The following SLC4A7 variants were observed in gnomAD, a reference collection of about 807,000 sequenced individuals.
SLC4A7 encodes the protein sodium bicarbonate cotransporter 3.
In SLC4A7, 51 loss-of-function variants were observed where a neutral mutation model predicts 137.6. The ratio of observed to expected loss-of-function variants is 0.37; its 90% CI spans 0.30 to 0.47. SLC4A7 has a LOEUF of 0.47. SLC4A7 is among the 20% of genes least tolerant of loss of function. The pLI, the probability that SLC4A7 is intolerant of heterozygous loss-of-function variation, is 1.00. For synonymous variants in SLC4A7, 542 were observed against 518.6 expected (o/e 1.05, Z -0.61); for missense variants, 1,247 against 1,525.4 (o/e 0.82, Z 3.04).
At chr3:27,398,418 G>T in intron 16 of SLC4A7, 65 bp from the exon 17 acceptor site, 1 of 1,381,286 alleles carries the variant, frequency 7.2e-7, no homozygotes, top group Non-Finnish European at 9.9e-7. Context: ...ATTATTATGA[G>T]CTTCATTGAC....
chr3:27,438,412 G>A (rs2056914199), intron 3 of SLC4A7, among the ~76,000 whole-genome samples: 1 of 151,952 alleles, frequency 6.6e-6, no homozygotes, highest in Non-Finnish European at 1.5e-5. Context: ...GGCTGAGGCA[G>A]GAGAATCGCT....
chr3:27,468,606 T>C (rs1266034564), intron 1 of SLC4A7, among the ~76,000 whole-genome samples: 1 of 151,972 alleles, frequency 6.6e-6, no homozygotes, highest in Non-Finnish European at 1.5e-5. Flanking sequence ...TAATATAGGT[T>C]CTAGATCTAG....
intron 3 of SLC4A7, among the ~76,000 whole-genome samples, chr3:27,440,206 G>A (rs1447156905): frequency 6.6e-6 from 1 of 152,028 alleles, no homozygotes; most frequent in Non-Finnish European, 1.5e-5. Context: ...GTGTTGGCAG[G>A]GCTGGTTCCT....
intron 10 of SLC4A7, among the ~76,000 whole-genome samples, chr3:27,420,306 G>A (rs1034657690): frequency 6.6e-6 from 1 of 152,190 alleles, no homozygotes; most frequent in South Asian, 2.1e-4. Flanking sequence ...AGAAAGACAA[G>A]GTCCTGATTA....
At chr3:27,458,946 T>A (rs890754515) in intron 1 of SLC4A7, among the ~76,000 whole-genome samples, 31 of 152,094 alleles carry the variant, frequency 2.0e-4, no homozygotes, top group African/African-American at 7.2e-4. Flanking sequence ...GCTGAGATCA[T>A]GCCACGGCAC....
In SLC4A7 at chr3:27,484,168, C is replaced by T; in HGVS notation, c.-42G>A. ...CGTGACGGCCGCTACGGTACTGCCC[C>T]GCGCGGTCTGCCTGCTTCTGCCGCT... On this transcript the variant is annotated 5_prime_UTR_variant, in exon 1 of 26. Coordinates refer to ENST00000454389, the MANE Select transcript of SLC4A7 (RefSeq NM_001321103.2). The T allele has an allele frequency of 7.9e-7, 1 of 1,267,354 alleles. No individual in the cohort carries two copies. The highest frequency in any genetic ancestry group is 2.6e-5 in the South Asian group (1 of 37,906). 78.5% of individuals were successfully genotyped at this position (1,267,354 alleles called of 1,614,324 possible).
chr3:27,386,434 T>C (rs772503452), intron 22 of SLC4A7, among the ~76,000 whole-genome samples: 35 of 152,116 alleles, frequency 2.3e-4, no homozygotes, highest in Non-Finnish European at 4.0e-4. Flanking sequence ...GTTTTAACTT[T>C]TCAATCATAT....
intron 18 of SLC4A7, among the ~76,000 whole-genome samples, chr3:27,397,365 G>A (rs2052291442): frequency 6.6e-6 from 1 of 151,884 alleles, no homozygotes; most frequent in Non-Finnish European, 1.5e-5. Context: ...CTCCCTGGAA[G>A]GTACAGCAAG....
At chr3:27,466,488 T>G (rs1250837354) in intron 1 of SLC4A7, among the ~76,000 whole-genome samples, 1 of 144,154 alleles carries the variant, frequency 6.9e-6, no homozygotes, top group Non-Finnish European at 1.6e-5. Context: ...TACATTAAGG[T>G]GCACAATTTT....
At chr3:27,431,912 G>A (rs1160536586) in intron 6 of SLC4A7, among the ~76,000 whole-genome samples, 1 of 152,098 alleles carries the variant, frequency 6.6e-6, no homozygotes, top group Non-Finnish European at 1.5e-5. Context: ...GATGGTGGGG[G>A]CAATATCCTG....
chr3:27,476,383 G>A (rs1194474275), intron 1 of SLC4A7, among the ~76,000 whole-genome samples: 1 of 152,164 alleles, frequency 6.6e-6, no homozygotes, highest in African/African-American at 2.4e-5. Context: ...ACTGGCAGTT[G>A]TATCAAGCAA....
chr3:27,403,168 G>A lies in SLC4A7; in HGVS notation c.2292C>T (p.His764=). 6.2e-7 allele frequency: 1 copy of A among 1,612,394 alleles called. No individual in the cohort carries two copies. Among genetic ancestry groups the A allele is most frequent in the Non-Finnish European group, 8.5e-7 (1 of 1,179,360 alleles). ...DLGETYAFNM[H]NNLDKLTSYS... is the part of the protein sequence containing the mutation. The stretch of plus-strand genomic sequence containing the variant: ...AGCTGGTCAGTTTATCTAAGTTGTT[G>A]TGCATATTAAATGCATATGTTTCTC... The change falls in exon 15 of 26, where the codon CAC becomes CAT. Residue 764 remains histidine, a synonymous_variant. Transcript: ENST00000454389.
chr3:27,431,895 A>T (rs910981763), intron 6 of SLC4A7, among the ~76,000 whole-genome samples: 4 of 152,214 alleles, frequency 2.6e-5, no homozygotes, highest in Admixed American at 6.5e-5. Flanking sequence ...AAAAATTGTT[A>T]ATGACAGATG....
At chr3:27,449,262 T>C (rs2057900282) in intron 2 of SLC4A7, among the ~76,000 whole-genome samples, 1 of 151,790 alleles carries the variant, frequency 6.6e-6, no homozygotes, top group Non-Finnish European at 1.5e-5. Context: ...TAGACATATA[T>C]TTATTCCATC....
chr3:27,425,370 T>TAAAAAAAAAAAAAAAAAAA (rs56153970), intron 7 of SLC4A7, among the ~76,000 whole-genome samples: 1 of 56,996 alleles, frequency 1.8e-5, no homozygotes, highest in African/African-American at 8.5e-5. Flanking sequence ...AACTCCGTCC[T>TAAAAAAAAAAAAAAAAAAA]AAAAAAAAAA....
chr3:27,452,673 CAGA>C (rs1250432364), intron 1 of SLC4A7, among the ~76,000 whole-genome samples, 175 bp from the exon 2 acceptor site: 2 of 152,164 alleles, frequency 1.3e-5, no homozygotes, highest in Non-Finnish European at 2.9e-5. Context: ...TTTAAATCCA[CAGA>C]AGACCATTCA....
chr3:27,397,638 G>C (rs368651383), intron 18 of SLC4A7, 46 bp downstream of exon 18: 44 of 876,802 alleles, frequency 5.0e-5, no homozygotes, highest in South Asian at 3.1e-4. Context: ...CTTTAAAGTA[G>C]TGTGGTATTC....
chr3:27,425,567 T>A (rs1309912158), intron 7 of SLC4A7, among the ~76,000 whole-genome samples: 9 of 141,226 alleles, frequency 6.4e-5, no homozygotes, highest in African/African-American at 2.4e-4. Flanking sequence ...TCCCAGCTAC[T>A]CGGGAGGCTG....
In SLC4A7 at chr3:27,409,528, A is replaced by G. The variant is rs367941096; in HGVS notation, c.1769T>C (p.Leu590Pro). Residue 590 changes from leucine (L) to proline (P), a missense_variant and splice_region_variant, in exon 13 of 26, where the codon CTT (leucine) becomes CCT (proline). This residue lies in a region of SLC4A7 where 499 missense variants were observed against 664.2 expected (regional missense o/e 0.75). Coordinates refer to ENST00000454389, the MANE Select transcript of SLC4A7 (RefSeq NM_001321103.2). The part of the protein sequence containing the change: ...AGPELQRTGR[L>P]FGGLILDIKR... ...GATGTCAAGTATCAAACCACCAAAA[A>G]GCCTAAATAGGTGAGATGAAACTCG... 1 of 1,610,682 alleles carries G rather than the reference A, an allele frequency of 6.2e-7. No homozygotes were observed. Among genetic ancestry groups the G allele is most frequent in the Non-Finnish European group, 8.5e-7 (1 of 1,178,338 alleles).
Sources: gnomAD v4.1 joint callset for allele counts (sites outside exome capture counted in the v4.1 genomes callset) on GRCh38, gnomAD v4.1.1 for gene constraint, gnomAD v4.1.1 regional missense constraint, MANE v1.5 for transcripts, NCBI Gene and HGNC (gene_info 2026-07-23, HGNC 2026-07-21) for gene names.